The following NBAS variants were observed in gnomAD, a reference collection of about 807,000 sequenced individuals.
The protein encoded by NBAS is NBAS subunit of NRZ tethering complex.
NBAS carries 219 observed loss-of-function variants against 302.5 expected under a neutral mutation model. The ratio of observed to expected loss-of-function variants is 0.72; its 90% confidence interval spans 0.65 to 0.81. The LOEUF is 0.81. Among genes scored for constraint, NBAS ranks in the 30% least tolerant of loss-of-function variants. The pLI, the probability that NBAS is intolerant of heterozygous loss-of-function variation, is 0.00. For missense variants in NBAS, 2,932 were observed against 2,841.6 expected (o/e 1.03, Z -0.72); for synonymous variants, 1,118 against 1,021.6 (o/e 1.09, Z -1.80).
chr2:14,954,601 TCA>T, the NBAS span, among the ~76,000 whole-genome samples: 1 of 152,166 alleles, frequency 6.6e-6, no homozygotes, highest in African/African-American at 2.4e-5. Context: ...TTTAATTGAC[TCA>T]CAGTTCTGTA....
chr2:14,817,720 C>A, the NBAS span, among the ~76,000 whole-genome samples: 4 of 152,050 alleles, frequency 2.6e-5, no homozygotes, highest in African/African-American at 9.7e-5. Flanking sequence ...CTACAGAGAA[C>A]TATTATTCTC....
the NBAS span, among the ~76,000 whole-genome samples, chr2:15,014,681 T>TA: frequency 5.9e-5 from 9 of 151,858 alleles, no homozygotes; most frequent in South Asian, 8.3e-4. Context: ...AAAAACTATA[T>TA]AAAAAACTAG....
At chr2:15,094,178 C>T in the NBAS span, among the ~76,000 whole-genome samples, 3 of 152,294 alleles carry the variant, frequency 2.0e-5, no homozygotes, top group South Asian at 2.1e-4. Flanking sequence ...AGTCATTTGC[C>T]TAGACCTCCC....
chr2:14,815,340 C>A, the NBAS span, among the ~76,000 whole-genome samples: 17 of 152,180 alleles, frequency 1.1e-4, no homozygotes, highest in Non-Finnish European at 2.4e-4. Context: ...CCAAGAACTG[C>A]TAGAGCCTGA....
At chr2:15,227,691 A>G (rs1199096118) in intron 47 of NBAS, among the ~76,000 whole-genome samples, 2 of 152,224 alleles carry the variant, frequency 1.3e-5, no homozygotes, top group Non-Finnish European at 2.9e-5. Flanking sequence ...ATGCATTTAC[A>G]GCAACTGATT....
At chr2:14,892,649 G>C in the NBAS span, among the ~76,000 whole-genome samples, 2 of 151,218 alleles carry the variant, frequency 1.3e-5, no homozygotes, top group East Asian at 3.9e-4. Context: ...TTTCAGCATC[G>C]ATTGATTAAA....
At chr2:15,392,664 G>A (rs1204280075) in intron 28 of NBAS, among the ~76,000 whole-genome samples, 1 of 151,952 alleles carries the variant, frequency 6.6e-6, no homozygotes, top group Non-Finnish European at 1.5e-5. Context: ...TCATGGATTG[G>A]AAGACTTAAT....
rs577343830 is a variant in NBAS at position 15,495,915 on chromosome 2, C to G, written c.955-6893G>C. Among the ~76,000 whole-genome samples the G allele has an allele frequency of 2.0e-5, 3 of 152,246 alleles. No individual in the cohort carries two copies. The East Asian group carries it at 5.8e-4, about 29-fold the overall frequency. On this transcript the variant is annotated intron_variant, in intron 11 of 51. Transcript: ENST00000281513. ...GGCTAAACACAGTTATCATAAGACT[C>G]AGCAATTCCACTCCAAGAAAAATTC...
the NBAS span, among the ~76,000 whole-genome samples, chr2:15,114,667 TG>T: frequency 5.3e-5 from 8 of 152,166 alleles, no homozygotes; most frequent in Admixed American, 2.6e-4. Context: ...CTGGATACTC[TG>T]GGGGGAAGTA....
intron 8 of NBAS, among the ~76,000 whole-genome samples, chr2:15,535,566 A>T (rs904415739): frequency 4.4e-5 from 6 of 137,140 alleles, no homozygotes; most frequent in Non-Finnish European, 9.2e-5. Context: ...AAATAAATAA[A>T]AATAAAAAAA....
At chr2:15,099,049 G>A in the NBAS span, among the ~76,000 whole-genome samples, 16 of 152,150 alleles carry the variant, frequency 1.1e-4, no homozygotes, top group East Asian at 2.9e-3. Flanking sequence ...GCTCACGCCT[G>A]TAATCCCAGC....
chr2:15,203,897 T>TGTGTGC (rs1666012161), intron 48 of NBAS, among the ~76,000 whole-genome samples: 1 of 147,348 alleles, frequency 6.8e-6, no homozygotes, highest in Non-Finnish European at 1.5e-5. Flanking sequence ...TGCTTGTGTG[T>TGTGTGC]GTGTGTGTGT....
At chr2:15,372,014 G>A (rs569755228) in intron 31 of NBAS, among the ~76,000 whole-genome samples, 1 of 152,228 alleles carries the variant, frequency 6.6e-6, no homozygotes, top group South Asian at 2.1e-4. Flanking sequence ...AATTCTGTAA[G>A]ATTCTTATTA....
chr2:15,513,095 T>C (rs1662219139), intron 9 of NBAS, among the ~76,000 whole-genome samples: 1 of 152,360 alleles, frequency 6.6e-6, no homozygotes, highest in Non-Finnish European at 1.5e-5. Flanking sequence ...AATTATGGAA[T>C]GTAGCCCAAC....
chr2:15,041,358 G>A, the NBAS span, among the ~76,000 whole-genome samples: 1 of 152,246 alleles, frequency 6.6e-6, no homozygotes, highest in South Asian at 2.1e-4. Flanking sequence ...CAAATTCTGA[G>A]ATTCAGGAGC....
intron 42 of NBAS, among the ~76,000 whole-genome samples, chr2:15,280,089 A>G (rs1267593538): frequency 6.6e-6 from 1 of 152,236 alleles, no homozygotes; most frequent in African/African-American, 2.4e-5. Flanking sequence ...ATTAACTAAC[A>G]GAAGAAGCCA....
the NBAS span, among the ~76,000 whole-genome samples, chr2:15,081,152 G>C: frequency 6.6e-6 from 1 of 152,030 alleles, no homozygotes. Flanking sequence ...CTTTTTCCTT[G>C]TGACCCAAAC....
the NBAS span, among the ~76,000 whole-genome samples, chr2:14,932,429 CTTATT>C: frequency 1.4e-4 from 21 of 152,320 alleles, no homozygotes; most frequent in Non-Finnish European, 1.9e-4. Context: ...CTGTTTTCTT[CTTATT>C]TTATAGATGA....
chr2:15,023,893 T>C, the NBAS span, among the ~76,000 whole-genome samples: 2 of 152,098 alleles, frequency 1.3e-5, no homozygotes, highest in East Asian at 1.9e-4. Context: ...GATTTTTATA[T>C]ACACAAAATT....
Sources: gnomAD v4.1 joint callset for allele counts (sites outside exome capture counted in the v4.1 genomes callset) on GRCh38, gnomAD v4.1.1 for gene constraint, MANE v1.5 for transcripts, NCBI Gene and HGNC (gene_info 2026-07-23, HGNC 2026-07-21) for gene names.